Variants in IRAG2 observed in about 807,000 individuals in gnomAD.
IRAG2 encodes lymphoid restricted membrane protein.
In IRAG2, 45 loss-of-function variants were observed where a neutral mutation model predicts 69.9. The ratio of observed to expected loss-of-function variants is 0.64; its 90% CI spans 0.51 to 0.83. The LOEUF (loss-of-function observed/expected upper bound fraction) is 0.83, where lower values mean the gene tolerates loss of function less well. Ranked by LOEUF, IRAG2 falls within the 40% of genes least tolerant of loss-of-function variation. The probability of loss-of-function intolerance (pLI) is 0.00; values close to 1 mark genes in which losing one functional copy is unlikely to be tolerated. For synonymous variants in IRAG2, 193 were observed against 202.4 expected, an observed-to-expected ratio of 0.95 and a Z score of 0.40; for missense variants, 520 against 587.0, an observed-to-expected ratio of 0.89 and a Z score of 1.18.
At chr12:25,074,234 C>G (rs1946522202) in intron 6 of IRAG2, among the ~76,000 whole-genome samples, 1 of 152,164 alleles carries the variant, frequency 6.6e-6, no homozygotes, top group Non-Finnish European at 1.5e-5. Flanking sequence ...TCTGGCCTAA[C>G]CTGTCCATGG....
rs570914702 is a variant in IRAG2 at position 25,007,733 on chromosome 12, G to A, written c.688+2379G>A. Among the ~76,000 whole-genome samples the A allele has an allele frequency of 2.0e-5, 3 of 152,270 alleles. No homozygotes were observed. In the South Asian group the frequency reaches 6.2e-4, roughly 32 times the overall value. Reference sequence around the variant, plus strand: ...AATGGGGTTTCACCATGTTGGCCAGGCTAGTCTCGAACTCCTGACCTCAGG... The same window carrying A: ...AATGGGGTTTCACCATGTTGGCCAGACTAGTCTCGAACTCCTGACCTCAGG... On this transcript the variant is annotated intron_variant, in intron 2 of 38. Transcript: ENST00000636465.
At chr12:25,021,091 C>CTTTTTTTTTTTTTTTT (rs71063389) in intron 7 of IRAG2, 6 of 266,012 alleles carry the variant, frequency 2.3e-5, no homozygotes, top group African/African-American at 2.4e-5. Context: ...TCTTTCTTTT[C>CTTTTTTTTTTTTTTTT]TTTTTTTTTT....
At chr12:25,074,590 T>C (rs542154248) in intron 6 of IRAG2, among the ~76,000 whole-genome samples, 2 of 152,270 alleles carry the variant, frequency 1.3e-5, no homozygotes, top group Non-Finnish European at 2.9e-5. Context: ...CCCACCAAGA[T>C]ACTCTGTAAC....
chr12:25,102,130 T>G (rs1269877787), intron 16 of IRAG2, 68 bp from the exon 17 acceptor site: 2 of 1,231,842 alleles, frequency 1.6e-6, no homozygotes, highest in East Asian at 2.3e-5. Flanking sequence ...TTTAAAGAAT[T>G]AAGACGTTGC....
chr12:25,041,198 G>T (rs530071068), intron 16 of IRAG2, among the ~76,000 whole-genome samples: 19 of 152,248 alleles, frequency 1.2e-4, no homozygotes, highest in African/African-American at 4.6e-4. Flanking sequence ...GGCAGGGTGG[G>T]GGGTAAGCAG....
At chr12:25,045,716 G>C (rs1944787156) in intron 16 of IRAG2, among the ~76,000 whole-genome samples, 1 of 151,742 alleles carries the variant, frequency 6.6e-6, no homozygotes, top group Non-Finnish European at 1.5e-5. Context: ...AACCAGTAAG[G>C]AGATTGTCTC....
chr12:25,024,766 C>T (rs778701433), intron 8 of IRAG2, among the ~76,000 whole-genome samples: 4 of 152,108 alleles, frequency 2.6e-5, no homozygotes, highest in Non-Finnish European at 5.9e-5. Flanking sequence ...GCTGGTATAG[C>T]CACAAGGCCA....
chr12:25,053,075 A>T (rs2139886996), intron 1 of IRAG2, 119 bp downstream of exon 1: 1 of 395,876 alleles, frequency 2.5e-6, no homozygotes, highest in African/African-American at 2.1e-5. Context: ...TGACAATGAA[A>T]TGGTTTGAGA....
At chr12:25,045,848 T>TAAAAAAAAAAAAAAAAAAAAAAAA (rs71063392) in intron 16 of IRAG2, among the ~76,000 whole-genome samples, 1 of 131,568 alleles carries the variant, frequency 7.6e-6, no homozygotes, top group Non-Finnish European at 1.6e-5. Flanking sequence ...AAATAAAAGA[T>TAAAAAAAAAAAAAAAAAAAAAAAA]AAAAAAAAAA....
intron 6 of IRAG2, chr12:25,076,473 T>A (rs1946696854): frequency 5.1e-6 from 5 of 982,964 alleles, no homozygotes; most frequent in Non-Finnish European, 6.0e-6. Flanking sequence ...GTATTTTTAC[T>A]GTATTTATTA....
chr12:25,076,568 C>T, intron 6 of IRAG2: 1 of 983,158 alleles, frequency 1.0e-6, no homozygotes, highest in South Asian at 4.7e-5. Context: ...TGGAAACTGG[C>T]ATAATGGAAT....
intron 20 of IRAG2, among the ~76,000 whole-genome samples, chr12:25,105,767 G>A (rs1003663482): frequency 6.6e-6 from 1 of 152,110 alleles, no homozygotes; most frequent in Non-Finnish European, 1.5e-5. Flanking sequence ...TTACAGAAAT[G>A]CAATGCAATT....
intron 15 of IRAG2, among the ~76,000 whole-genome samples, chr12:25,097,762 T>C (rs1253329683): frequency 6.6e-6 from 1 of 152,256 alleles, no homozygotes; most frequent in African/African-American, 2.4e-5. Flanking sequence ...TTGTTTCATT[T>C]TTACTAAAGT....
chr12:25,032,166 A>G (rs910839024), exon 11 of IRAG2: 9 of 398,944 alleles, frequency 2.3e-5, no homozygotes, highest in Admixed American at 4.4e-5. Flanking sequence ...AGAAGAACTT[A>G]AATCAACCAT....
At chr12:25,021,190 G>C in intron 7 of IRAG2, 1 of 198,828 alleles carries the variant, frequency 5.0e-6, no homozygotes, top group Non-Finnish European at 9.8e-6. Context: ...CTCCAGCCTC[G>C]ACCTCCCAGG....
intron 9 of IRAG2, among the ~76,000 whole-genome samples, chr12:25,027,924 G>A (rs888399502): frequency 3.3e-5 from 5 of 151,508 alleles, no homozygotes; most frequent in African/African-American, 9.7e-5. Flanking sequence ...ATGTTTGTTT[G>A]TTTATTTATT....
At position 25,076,429 on chromosome 12, in the gene IRAG2, A is replaced by G. The variant is rs1326578862; in HGVS notation, c.25-2815A>G. 3 of 982,208 alleles carry G rather than the reference A, an allele frequency of 3.1e-6. No individual in the cohort carries two copies. The African/African-American group carries it at 5.2e-5, about 17-fold the overall frequency. 60.8% of individuals were successfully genotyped at this position (982,208 alleles called of 1,614,324 possible). ...GGCCTTACACAGAGCATTAGGGCAA[A>G]TGAGACTGATATGTAACATAATGGA... On this transcript the variant is annotated intron_variant, in intron 6 of 21. Transcript: ENST00000556887.
chr12:25,005,120 A>G (rs957918486), intron 1 of IRAG2: 19 of 502,898 alleles, frequency 3.8e-5, no homozygotes, highest in African/African-American at 1.8e-4. Flanking sequence ...ATATTTCCCT[A>G]TATCTAAGGG....
At chr12:25,019,567 T>C (rs746057875) in intron 6 of IRAG2, among the ~76,000 whole-genome samples, 3 of 152,194 alleles carry the variant, frequency 2.0e-5, no homozygotes, top group Non-Finnish European at 4.4e-5. Context: ...TCAGAGCTTC[T>C]TCTCTTCTCT....
Sources: gnomAD v4.1 joint callset for allele counts (sites outside exome capture counted in the v4.1 genomes callset) on GRCh38, gnomAD v4.1.1 for gene constraint, MANE v1.5 for transcripts, NCBI Gene and HGNC (gene_info 2026-07-23, HGNC 2026-07-21) for gene names.